The following TXLNB variants were observed in gnomAD, a reference collection of about 807,000 sequenced individuals.
TXLNB encodes the protein beta-taxilin.
A neutral mutation model predicts 57.4 loss-of-function variants in TXLNB; 37 were observed. The observed-to-expected ratio is 0.64, with a 90% CI of 0.50 to 0.85. TXLNB has a LOEUF of 0.85. Ranked by LOEUF, TXLNB falls within the 40% of genes least tolerant of loss-of-function variation. The pLI, the probability that TXLNB is intolerant of heterozygous loss-of-function variation, is 0.00. For missense variants in TXLNB, 848 were observed against 825.6 expected (o/e 1.03, Z -0.33); for synonymous variants, 302 against 309.6 (o/e 0.98, Z 0.26).
At chr6:139,198,548 C>G in the TXLNB span, among the ~76,000 whole-genome samples, 1 of 152,188 alleles carries the variant, frequency 6.6e-6, no homozygotes, top group South Asian at 2.1e-4. Flanking sequence ...TTGCAGCCCT[C>G]TCCCCAAGAT....
At chr6:139,227,274 G>A in the TXLNB span, among the ~76,000 whole-genome samples, 1 of 151,636 alleles carries the variant, frequency 6.6e-6, no homozygotes, top group Non-Finnish European at 1.5e-5. Context: ...GAGAGGTGGA[G>A]GTTGAAGTGA....
intron 7 of TXLNB, among the ~76,000 whole-genome samples, chr6:139,254,571 A>T: frequency 6.6e-6 from 1 of 152,184 alleles, no homozygotes. Flanking sequence ...GCAGAGCCCC[A>T]GGTAGGGGTA....
the TXLNB span, among the ~76,000 whole-genome samples, chr6:139,221,482 CT>C: frequency 2.6e-5 from 4 of 151,358 alleles, no homozygotes; most frequent in Non-Finnish European, 4.4e-5. Flanking sequence ...TTCTTTCTTT[CT>C]TTTTTTTTCT....
chr6:139,262,852 T>C (rs373939292), intron 4 of TXLNB, 79 bp from the exon 5 acceptor site: 17 of 1,452,084 alleles, frequency 1.2e-5, no homozygotes, highest in East Asian at 1.1e-4. Flanking sequence ...CTAAAGGAGA[T>C]AAGTGTGCAG....
the TXLNB span, among the ~76,000 whole-genome samples, chr6:139,311,114 A>G: frequency 6.6e-6 from 1 of 152,176 alleles, no homozygotes; most frequent in South Asian, 2.1e-4. Flanking sequence ...GCAAACACAC[A>G]AGCTTTCCAG....
the TXLNB span, among the ~76,000 whole-genome samples, chr6:139,227,706 A>G: frequency 6.6e-6 from 1 of 152,244 alleles, no homozygotes; most frequent in Non-Finnish European, 1.5e-5. Flanking sequence ...GACAATGAAA[A>G]TCAATGAACT....
the TXLNB span, among the ~76,000 whole-genome samples, chr6:139,160,009 T>C: frequency 3.1e-4 from 47 of 152,122 alleles, no homozygotes; most frequent in African/African-American, 1.0e-3. Flanking sequence ...CCTCTTTCAA[T>C]AGGTAAGGAG....
In TXLNB at chr6:139,241,265, T is replaced by C. The variant is rs772162008; in HGVS notation, c.*1261A>G. Reference sequence around the variant, plus strand: ...TCATGGCAGAAAACGTGTTGGTTTGTAAGCCTCATCACTGATATTGAGACC... The same window carrying C: ...TCATGGCAGAAAACGTGTTGGTTTGCAAGCCTCATCACTGATATTGAGACC... On this transcript the variant is annotated 3_prime_UTR_variant, in exon 10 of 10. Coordinates refer to ENST00000358430, the MANE Select transcript of TXLNB (RefSeq NM_153235.4). The C allele has an allele frequency of 6.6e-6, 1 of 152,218 alleles. No homozygotes were observed. The highest frequency in any genetic ancestry group is 1.5e-5 in the Non-Finnish European group (1 of 68,032). The allele number at this position is 152,218 out of a possible 1,614,324, so 9.4% of individuals were successfully genotyped here. A position where few individuals can be genotyped will look rare whatever the true frequency, so the allele number is the denominator to read the frequency against.
the TXLNB span, among the ~76,000 whole-genome samples, chr6:139,222,446 G>A: frequency 4.6e-5 from 7 of 151,984 alleles, no homozygotes; most frequent in Non-Finnish European, 8.8e-5. Flanking sequence ...TAAAGATATC[G>A]CTAGTATAAA....
chr6:139,299,812 A>G, the TXLNB span, among the ~76,000 whole-genome samples: 3 of 151,886 alleles, frequency 2.0e-5, no homozygotes, highest in Non-Finnish European at 4.4e-5. Flanking sequence ...CCTTAGGTAG[A>G]TGACATTTGA....
At chr6:139,189,492 A>G in the TXLNB span, among the ~76,000 whole-genome samples, 3 of 152,204 alleles carry the variant, frequency 2.0e-5, no homozygotes, top group African/African-American at 7.2e-5. Flanking sequence ...GTTTATGTGT[A>G]ATTTTAATTA....
At chr6:139,290,454 C>T (rs529629577) in intron 1 of TXLNB, among the ~76,000 whole-genome samples, 61 of 152,262 alleles carry the variant, frequency 4.0e-4, no homozygotes, top group South Asian at 1.2e-3. Flanking sequence ...CTCTTTTATT[C>T]CAATATATAA....
At chr6:139,243,857 A>G (rs1776008828) in intron 9 of TXLNB, among the ~76,000 whole-genome samples, 1 of 152,230 alleles carries the variant, frequency 6.6e-6, no homozygotes, top group Non-Finnish European at 1.5e-5. Flanking sequence ...AATTCACCAT[A>G]TACTAATTCA....
At chr6:139,293,120 CAG>C (rs1777332594), upstream of TXLNB, among the ~76,000 whole-genome samples, 3 of 152,184 alleles carry the variant, frequency 2.0e-5, no homozygotes, top group East Asian at 5.8e-4. Flanking sequence ...TTTATTGAGA[CAG>C]AGTCTCGCTC....
chr6:139,245,754 G>A (rs1239313001), intron 8 of TXLNB, among the ~76,000 whole-genome samples: 2 of 152,148 alleles, frequency 1.3e-5, no homozygotes, highest in African/African-American at 4.8e-5. Context: ...GTGCAATGGC[G>A]TGATCTCGGC....
the TXLNB span, among the ~76,000 whole-genome samples, chr6:139,171,862 A>C: frequency 2.0e-5 from 3 of 148,622 alleles, no homozygotes; most frequent in Non-Finnish European, 3.0e-5. Context: ...ACGGGGTTTC[A>C]CTTTTGTTGC....
intron 7 of TXLNB, among the ~76,000 whole-genome samples, chr6:139,250,418 AG>A (rs1472884883): frequency 2.3e-4 from 32 of 137,388 alleles, no homozygotes; most frequent in African/African-American, 8.4e-4. Flanking sequence ...AATTAATTTC[AG>A]GGCCCACAAA....
At chr6:139,311,632 A>C in the TXLNB span, among the ~76,000 whole-genome samples, 2 of 152,236 alleles carry the variant, frequency 1.3e-5, no homozygotes, top group African/African-American at 4.8e-5. Context: ...TTTTTACCTG[A>C]GATGTACTAA....
intron 2 of TXLNB, among the ~76,000 whole-genome samples, chr6:139,285,830 A>G (rs1167021573): frequency 1.4e-5 from 2 of 145,340 alleles, no homozygotes; most frequent in Non-Finnish European, 3.1e-5. Context: ...GACTGGTACC[A>G]GTCATTGTGG....
Sources: allele counts gnomAD v4.1 joint callset (sites outside exome capture counted in the v4.1 genomes callset), GRCh38; gene constraint gnomAD v4.1.1; transcripts MANE v1.5; gene names NCBI Gene and HGNC (gene_info 2026-07-23, HGNC 2026-07-21).